MST1R: variants seen among roughly 807,000 people sequenced by gnomAD.
MST1R encodes the protein macrophage stimulating 1 receptor.
A neutral mutation model predicts 117.8 loss-of-function variants in MST1R; 99 were observed. That is an observed-to-expected ratio of 0.84 (90% CI 0.71 to 0.99). The LOEUF (loss-of-function observed/expected upper bound fraction) is 0.99, where lower values mean the gene tolerates loss of function less well. Among genes scored for constraint, MST1R ranks in the 50% least tolerant of loss-of-function variants. MST1R has a pLI of 0.00. For synonymous variants in MST1R, 734 were observed against 765.3 expected, an observed-to-expected ratio of 0.96 and a Z score of 0.68; for missense variants, 1,683 against 1,840.2, an observed-to-expected ratio of 0.91 and a Z score of 1.56.
chr3:49,890,073 G>A lies in MST1R; in HGVS notation c.3811-13C>T, dbSNP rs779002336. ...CACCAAATGACCACTGTGGAAAGGG[G>A]GAGGTGAGGGGACTCAACTCACCCC... On this transcript the variant is annotated splice_polypyrimidine_tract_variant and intron_variant, in intron 18 of 19. Transcript: ENST00000296474. The A allele has an allele frequency of 2.5e-6, 4 of 1,581,722 alleles. No homozygotes were observed. The highest frequency in any genetic ancestry group is 1.2e-5 in the South Asian group (1 of 84,790).
Position 49,898,031 on chromosome 3 carries a change from G to A in MST1R, c.1880+20C>T. 1 of 1,614,030 alleles carries A rather than the reference G, an allele frequency of 6.2e-7. No homozygotes were observed. The highest frequency in any genetic ancestry group is 8.5e-7 in the Non-Finnish European group (1 of 1,180,006). ...TGGTTTCCCCCTTCAGGGAAAGGGAGGGGAGGGACCAGATTGTACCTGAGT... is the reference window on the plus strand; with the variant it reads ...TGGTTTCCCCCTTCAGGGAAAGGGAAGGGAGGGACCAGATTGTACCTGAGT... On this transcript the variant is annotated intron_variant, in intron 5 of 19. Coordinates refer to ENST00000296474, the MANE Select transcript of MST1R (RefSeq NM_002447.4).
At chr3:49,900,064 TC>T (rs2082624001) in intron 1 of MST1R, among the ~76,000 whole-genome samples, 1 of 152,182 alleles carries the variant, frequency 6.6e-6, no homozygotes, top group Non-Finnish European at 1.5e-5. Context: ...GGCTTCGGTT[TC>T]CCCACTTGCA....
chr3:49,896,514 C>T (rs1275236105), intron 9 of MST1R, 26 bp downstream of exon 9: 1 of 1,613,138 alleles, frequency 6.2e-7, no homozygotes, highest in South Asian at 1.1e-5. Flanking sequence ...TCCAGCCTTC[C>T]TCCCTCCTGG....
rs768484083 is a variant in MST1R at position 49,898,562 on chromosome 3, G to C, written c.1675C>G (p.Pro559Ala). The C allele has an allele frequency of 4.3e-6, 7 of 1,614,048 alleles. No homozygotes were observed. Among genetic ancestry groups the C allele is most frequent in the Non-Finnish European group, 5.9e-6 (7 of 1,180,038 alleles). The part of the protein sequence containing the change: ...GNMCGQQKEC[P>A]GSWQQDHCPP... Reference sequence around the variant, plus strand: ...CAGTGGTCCTGTTGCCAGGAGCCAGGACACTCCTTCTGCTGGCCGCACATG... The same window carrying C: ...CAGTGGTCCTGTTGCCAGGAGCCAGCACACTCCTTCTGCTGGCCGCACATG... Residue 559 changes from proline (P) to alanine (A), a missense_variant, in exon 4 of 20, where the codon CCT (proline) becomes GCT (alanine). Coordinates refer to ENST00000296474, the MANE Select transcript of MST1R (RefSeq NM_002447.4).
chr3:49,902,426 C>T lies in MST1R; in HGVS notation c.1184G>A (p.Arg395Gln), dbSNP rs766244325. ...CCESPVHPGL[R>Q]RGLDFFQSPS... ...CGACTGGAAGAAGTCGAGGCCTCGC[C>T]GGAGGCCTGGATGGACTGGGGATTC... The change falls in exon 1 of 20, where the codon CGG (arginine) becomes CAG (glutamine). Residue 395 changes from arginine (R) to glutamine (Q), a missense_variant. By Grantham distance (43) the Arg-to-Gln change is conservative. Transcript: ENST00000296474. The T allele has an allele frequency of 2.1e-5, 34 of 1,613,998 alleles. No individual in the cohort carries two copies. The highest frequency in any genetic ancestry group is 2.6e-5 in the Non-Finnish European group (31 of 1,180,034).
chr3:49,898,284 C>T, intron 4 of MST1R, 73 bp from the exon 5 acceptor site: 1 of 1,583,070 alleles, frequency 6.3e-7, no homozygotes, highest in Non-Finnish European at 8.6e-7. Context: ...TCCCCAAAGT[C>T]TCCTGCCATA....
chr3:49,891,856 A>G lies in MST1R; in HGVS notation c.3272-18T>C. The G allele has an allele frequency of 6.2e-7, 1 of 1,611,650 alleles. No individual in the cohort carries two copies. Among genetic ancestry groups the G allele is most frequent in the East Asian group, 2.2e-5 (1 of 44,846 alleles). ...AAAGTGGCCTGGTGTGAGGTGCATA[A>G]TGAGTCGATGAGAGGGGATCCAGGG... On this transcript the variant is annotated intron_variant, in intron 14 of 19. Coordinates refer to ENST00000296474, the MANE Select transcript of MST1R (RefSeq NM_002447.4).
Position 49,889,923 on chromosome 3 carries a change from C to T in MST1R, c.3947+1G>A. 4 of 1,614,126 alleles carry T rather than the reference C, an allele frequency of 2.5e-6. No homozygotes were observed. The highest frequency in any genetic ancestry group is 3.4e-6 in the Non-Finnish European group (4 of 1,179,996). ...CCCCACTACCACCTCCACATACTCA[C>T]AGAGAATCAGGGCAATACTCAGGCT... On this transcript the variant is annotated splice_donor_variant, in intron 19 of 19. Transcript: ENST00000296474. LOFTEE classifies it high-confidence loss of function.
chr3:49,892,238 A>G lies in MST1R; in HGVS notation c.3272-400T>C, dbSNP rs535887352. Among the ~76,000 whole-genome samples, 10 of 151,240 alleles carry G rather than the reference A, an allele frequency of 6.6e-5. No individual in the cohort carries two copies. In the South Asian group the frequency reaches 2.1e-3, roughly 32 times the overall value. On this transcript the variant is annotated intron_variant, in intron 14 of 19. Coordinates refer to ENST00000296474, the MANE Select transcript of MST1R (RefSeq NM_002447.4). ...CTAGGCCTCCCAAAGTGCTGGGATT[A>G]CAGGTGTGAGCCACCACACCCGGCC...
Position 49,895,273 on chromosome 3 carries a change from CTCTT to C in MST1R, c.3161_3164del (p.Lys1054SerfsTer5). On this transcript the variant is annotated frameshift_variant, in exon 14 of 20. Coordinates refer to ENST00000296474, the MANE Select transcript of MST1R (RefSeq NM_002447.4). LOFTEE classifies it high-confidence loss of function. ...AGTCCAGGTCCCTTAGCTGGATGGA[CTCTT>C]TCCGCAGCAGTGGCACACAGGATTC... 6.2e-7 allele frequency: 1 copy of C among 1,614,214 alleles called. No individual in the cohort carries two copies. The highest frequency in any genetic ancestry group is 8.5e-7 in the Non-Finnish European group (1 of 1,180,040).
intron 14 of MST1R, among the ~76,000 whole-genome samples, chr3:49,893,985 G>C (rs769466747): frequency 6.7e-6 from 1 of 148,488 alleles, no homozygotes; most frequent in African/African-American, 2.5e-5. Flanking sequence ...AGGCTGAGGC[G>C]GGCGGATCAC....
intron 1 of MST1R, chr3:49,899,605 TCA>T (rs1321014699): frequency 8.5e-6 from 2 of 235,116 alleles, no homozygotes; most frequent in Non-Finnish European, 1.5e-5. Flanking sequence ...AGACGGAGTC[TCA>T]CACTGTTGCT....
At position 49,895,818 on chromosome 3, in the gene MST1R, G is replaced by A. The variant is rs2108437487; in HGVS notation, c.2859C>T (p.Val953=). The A allele has an allele frequency of 6.2e-7, 1 of 1,613,946 alleles. No homozygotes were observed. Among genetic ancestry groups the A allele is most frequent in the East Asian group, 2.2e-5 (1 of 44,878 alleles). The part of the protein sequence containing the change: ...GRVVRPGPDG[V]PQSTLLGILL... The stretch of plus-strand genomic sequence containing the variant: ...GGATACCAAGGAGCGTGCTCTGTGG[G>A]ACCCCATCTGGCCCTGGCCGCACCA... The change falls in exon 12 of 20, where the codon GTC becomes GTT. Residue 953 remains valine, a synonymous_variant. Transcript: ENST00000296474.
Position 49,891,316 on chromosome 3 carries a change from C to T in MST1R, c.3535-10G>A, listed in dbSNP as rs760683481. The T allele has an allele frequency of 6.2e-7, 1 of 1,614,126 alleles. No individual in the cohort carries two copies. ...CCTTCACGGTGGGGTTCTGGGGGCA[C>T]AGGTGGGTTGGTGGGCAAGGGCACA... is the stretch of plus-strand genomic sequence containing the variant. On this transcript the variant is annotated splice_polypyrimidine_tract_variant and intron_variant, in intron 16 of 19. Transcript: ENST00000296474.
rs1316755516 is a variant in MST1R, at chr3:49,890,495, T to C, written c.3800A>G (p.Lys1267Arg). 3.1e-6 allele frequency: 5 copies of C among 1,613,274 alleles called. No individual in the cohort carries two copies. The highest frequency in any genetic ancestry group is 4.2e-6 in the Non-Finnish European group (5 of 1,179,518). ...ESLQTYRFTT[K>R]SDVWSFGVLL... Reference sequence around the variant, plus strand: ...CAGGTGGGGCCTCACCACATCAGACTTGGTGGTAAATCTATAGGTCTGCAG... The same window carrying C: ...CAGGTGGGGCCTCACCACATCAGACCTGGTGGTAAATCTATAGGTCTGCAG... Residue 1267 changes from lysine to arginine, a missense_variant, in exon 18 of 20, where the codon AAG becomes AGG. By Grantham distance (26) the Lys-to-Arg change is conservative (BLOSUM62 2). Transcript: ENST00000296474.
At position 49,897,630 on chromosome 3, in the gene MST1R, C is replaced by A. The variant is rs1268792118; in HGVS notation, c.1936G>T (p.Gly646Cys). ...EEFECELEPL[G>C]TQAVGPTNVS... ...TTGGTAGGCCCCACTGCCTGGGTGC[C>A]CAAGGGCTCCAGTTCACACTCAAAC... Residue 646 changes from glycine to cysteine, a missense_variant, in exon 6 of 20, where the codon GGC becomes TGC. Coordinates refer to ENST00000296474, the MANE Select transcript of MST1R (RefSeq NM_002447.4). The A allele has an allele frequency of 1.8e-5, 29 of 1,614,030 alleles. No individual in the cohort carries two copies. Among genetic ancestry groups the A allele is most frequent in the Non-Finnish European group, 2.4e-5 (28 of 1,180,054 alleles).
At chr3:49,899,314 A>G in intron 1 of MST1R, 51 bp from the exon 2 acceptor site, 1 of 1,592,948 alleles carries the variant, frequency 6.3e-7, no homozygotes, top group Non-Finnish European at 8.6e-7. Context: ...TTGTGCCCCG[A>G]CCCTCTGGGG....
chr3:49,889,664 A>T (rs1210446707), intron 19 of MST1R, among the ~76,000 whole-genome samples: 1 of 152,158 alleles, frequency 6.6e-6, no homozygotes, highest in East Asian at 1.9e-4. Flanking sequence ...TAGGAGGAGC[A>T]CTGGGAAAAT....
intron 1 of MST1R, 189 bp from the exon 2 acceptor site, chr3:49,899,452 A>G: frequency 1.9e-6 from 1 of 529,622 alleles, no homozygotes; most frequent in Non-Finnish European, 3.3e-6. Context: ...AAGGGCAGGG[A>G]GAAGGCCCAG....
Sources: allele counts gnomAD v4.1 joint callset (sites outside exome capture counted in the v4.1 genomes callset), GRCh38; gene constraint gnomAD v4.1.1; transcripts MANE v1.5; gene names NCBI Gene and HGNC (gene_info 2026-07-23, HGNC 2026-07-21).